The following CAPN2 variants were observed in gnomAD, a reference collection of about 807,000 sequenced individuals.
CAPN2 encodes the protein calpain 2.
A neutral mutation model predicts 102.3 loss-of-function variants in CAPN2; 92 were observed. The ratio of observed to expected loss-of-function variants is 0.90; its 90% CI spans 0.76 to 1.07. CAPN2 has a LOEUF of 1.07. CAPN2 is among the 50% of genes least tolerant of loss of function. The pLI is 0.00. For synonymous variants in CAPN2, 340 were observed against 355.4 expected, an observed-to-expected ratio of 0.96 and a Z score of 0.49; for missense variants, 800 against 909.4, an observed-to-expected ratio of 0.88 and a Z score of 1.55.
chr1:223,757,287 G>A (rs929691086), intron 10 of CAPN2, 82 bp from the exon 11 acceptor site: 2 of 1,454,874 alleles, frequency 1.4e-6, no homozygotes, highest in Non-Finnish European at 1.9e-6. Context: ...AGAAAACGGG[G>A]GCAGCGGAAG....
intron 18 of CAPN2, chr1:223,770,983 C>G (rs761143000): frequency 6.4e-6 from 1 of 155,642 alleles, no homozygotes; most frequent in Non-Finnish European, 1.4e-5. Flanking sequence ...GCTGTTCATT[C>G]TATTTGCTGG....
intron 12 of CAPN2, among the ~76,000 whole-genome samples, chr1:223,760,008 C>A (rs1661148435): frequency 6.6e-6 from 1 of 152,240 alleles, no homozygotes; most frequent in South Asian, 2.1e-4. Flanking sequence ...TGGCTGACAT[C>A]ACCATTTCCT....
rs928858889 is a variant in CAPN2, at chr1:223,756,722, T to C, written c.1306-647T>C. 6.6e-6 allele frequency among the ~76,000 whole-genome samples: 1 copy of C among 152,152 alleles called. No homozygotes were observed. The highest frequency in any genetic ancestry group is 1.5e-5 in the Non-Finnish European group (1 of 68,032). On this transcript the variant is annotated intron_variant, in intron 10 of 20. Coordinates refer to ENST00000295006, the MANE Select transcript of CAPN2 (RefSeq NM_001748.5). This position sits in a 1 kb window ranked among gnomAD's most constrained non-coding sequence, Gnocchi z 4.1. ...GGGCAAATACCATCAGTTGTAAAAA[T>C]GCACATAGGCCTAAACCCCTCCGTC...
At position 223,715,307 on chromosome 1, in the gene CAPN2, A is replaced by C. The variant is rs997851280; in HGVS notation, c.237+2430A>C. Among the ~76,000 whole-genome samples, 3 of 152,208 alleles carry C rather than the reference A, an allele frequency of 2.0e-5. No individual in the cohort carries two copies. In the East Asian group the frequency reaches 5.8e-4, roughly 29 times the overall value. On this transcript the variant is annotated intron_variant, in intron 1 of 20. Coordinates refer to ENST00000295006, the MANE Select transcript of CAPN2 (RefSeq NM_001748.5). ...AAGAACATGATCAACTTATTTAAGA[A>C]GGACCCCCGGGAAGAGAGGAGAACT...
intron 2 of CAPN2, among the ~76,000 whole-genome samples, chr1:223,740,343 A>C (rs116976151): frequency 1.3e-5 from 2 of 152,150 alleles, no homozygotes; most frequent in Non-Finnish European, 2.9e-5. Flanking sequence ...GAAAGGGTAC[A>C]CTCACCAGGA....
chr1:223,769,753 T>A, intron 16 of CAPN2, 88 bp from the exon 17 acceptor site: 1 of 936,118 alleles, frequency 1.1e-6, no homozygotes, highest in South Asian at 1.4e-5. Context: ...TATGCTATGA[T>A]ATTCAAAAGA....
chr1:223,751,097 G>A, intron 7 of CAPN2, 122 bp downstream of exon 7: 1 of 897,746 alleles, frequency 1.1e-6, no homozygotes, highest in South Asian at 1.5e-5. Context: ...GAGAGCCCAG[G>A]CCACGTGGAC....
intron 1 of CAPN2, among the ~76,000 whole-genome samples, chr1:223,702,125 G>GGAAGGAAGGAAA (rs1659496817): frequency 2.1e-5 from 3 of 141,196 alleles, no homozygotes; most frequent in Admixed American, 7.1e-5. Context: ...AAGGAAGGAA[G>GGAAGGAAGGAAA]GAAGGAAGGA....
intron 1 of CAPN2, 79 bp downstream of exon 1, chr1:223,712,956 G>A: frequency 9.3e-7 from 1 of 1,078,756 alleles, no homozygotes; most frequent in Non-Finnish European, 1.2e-6. Context: ...GGCGCGCTGG[G>A]GCGGGGGGCA....
chr1:223,722,664 T>A (rs973823323), intron 2 of CAPN2, among the ~76,000 whole-genome samples: 1 of 152,170 alleles, frequency 6.6e-6, no homozygotes, highest in Admixed American at 6.5e-5. Context: ...AGACTTTTTT[T>A]TAAGAACAGT....
intron 3 of CAPN2, 114 bp downstream of exon 3, chr1:223,744,332 A>T: frequency 1.4e-6 from 1 of 735,778 alleles, no homozygotes; most frequent in Non-Finnish European, 2.5e-6. Context: ...CAAGACCAAT[A>T]CTGTTCTACA....
chr1:223,724,432 G>A (rs1263311702), intron 2 of CAPN2, among the ~76,000 whole-genome samples: 1 of 152,176 alleles, frequency 6.6e-6, no homozygotes, highest in Admixed American at 6.5e-5. Context: ...GATGGAAACC[G>A]TGTATATCTG....
chr1:223,750,836 A>G, intron 6 of CAPN2, 54 bp from the exon 7 acceptor site: 10 of 1,515,004 alleles, frequency 6.6e-6, no homozygotes, highest in Non-Finnish European at 9.0e-6. Flanking sequence ...CCAAGCCTTC[A>G]TAGCCCTGAC....
intron 4 of CAPN2, 115 bp downstream of exon 4, chr1:223,745,554 T>C (rs1173616467): frequency 1.6e-6 from 2 of 1,215,414 alleles, no homozygotes; most frequent in Non-Finnish European, 2.4e-6. Flanking sequence ...GTGGATCATT[T>C]GAGGTCAGGA....
exon 1 of CAPN2, chr1:223,701,613 G>A (rs972777585): frequency 1.3e-5 from 2 of 152,150 alleles, no homozygotes; most frequent in African/African-American, 4.8e-5. Context: ...TGATGGCTCT[G>A]TAGCTAACTG....
At chr1:223,723,506 A>G (rs1019943239) in intron 2 of CAPN2, among the ~76,000 whole-genome samples, 18 of 152,060 alleles carry the variant, frequency 1.2e-4, no homozygotes, top group Admixed American at 5.2e-4. Context: ...TACATTGTCC[A>G]TGGGCCATCA....
intron 3 of CAPN2, 88 bp downstream of exon 3, chr1:223,744,306 G>C (rs530389722): frequency 2.4e-6 from 2 of 835,456 alleles, no homozygotes; most frequent in Non-Finnish European, 4.2e-6. Context: ...ATCAGTCCCT[G>C]GTGTTTGCAG....
intron 1 of CAPN2, among the ~76,000 whole-genome samples, chr1:223,717,109 T>C (rs1659897856): frequency 6.6e-6 from 1 of 152,142 alleles, no homozygotes; most frequent in South Asian, 2.1e-4. Context: ...ATATAGATGC[T>C]GTAAGTTTCA....
intron 2 of CAPN2, among the ~76,000 whole-genome samples, chr1:223,735,191 A>G (rs1023664558): frequency 6.6e-6 from 1 of 152,194 alleles, no homozygotes; most frequent in Non-Finnish European, 1.5e-5. Context: ...TAAGAAGTGT[A>G]TCCAAGCTCA....
Sources: allele counts gnomAD v4.1 joint callset (sites outside exome capture counted in the v4.1 genomes callset), GRCh38; gene constraint gnomAD v4.1.1; non-coding constraint Gnocchi (gnomAD v3.1); transcripts MANE v1.5; gene names NCBI Gene and HGNC (gene_info 2026-07-23, HGNC 2026-07-21).